FIGNL2: variants seen among roughly 807,000 people sequenced by gnomAD.
The protein encoded by FIGNL2 is fidgetin-like protein 2.
For missense variants in FIGNL2, 1,060 were observed against 950.2 expected, an observed-to-expected ratio of 1.12 and a Z score of -1.52; for synonymous variants, 565 against 484.0, an observed-to-expected ratio of 1.17 and a Z score of -2.20.
chr12:51,826,984 G>A (rs1336334134), intron 1 of FIGNL2, among the ~76,000 whole-genome samples: 1 of 152,254 alleles, frequency 6.6e-6, no homozygotes, highest in Non-Finnish European at 1.5e-5. Flanking sequence ...CATGTTTAAA[G>A]TGTGATCTCA....
chr12:51,847,821 G>A (rs1939785008), intron 1 of FIGNL2: 1 of 985,304 alleles, frequency 1.0e-6, no homozygotes, highest in Non-Finnish European at 1.2e-6. Context: ...CTCTTGCGGT[G>A]GGGAAGTTTG....
chr12:51,822,163 C>G lies in FIGNL2; in HGVS notation c.251G>C (p.Ser84Thr), dbSNP rs1437253568. ...GGCGCCGTTGAGGAAGGAGGCGTCG[C>G]TGTACCCGCCCAGGGCCGGACGCTC... Reference protein sequence around the residue: ...PYERPALGGYSDASFLNGAKG... With the variant: ...PYERPALGGYTDASFLNGAKG... The change falls in exon 2 of 2, where the codon AGC (serine) becomes ACC (threonine). Residue 84 changes from serine (S) to threonine (T), a missense_variant. Physicochemically the swap from Ser to Thr is moderately conservative, Grantham distance 58. Transcript: ENST00000618634. 6.2e-7 allele frequency: 1 copy of G among 1,611,652 alleles called. No individual in the cohort carries two copies. Among genetic ancestry groups the G allele is most frequent in the Non-Finnish European group, 8.5e-7 (1 of 1,179,058 alleles).
At position 51,821,016 on chromosome 12, in the gene FIGNL2, GGCGCCGGGCGCAGCCAGGGTC is replaced by G; in HGVS notation, c.1377_1397del (p.Thr460_Ala466del). 8.5e-7 allele frequency: 1 copy of G among 1,173,372 alleles called. No individual in the cohort carries two copies. The highest frequency in any genetic ancestry group is 3.9e-5 in the East Asian group (1 of 25,512). 72.7% of individuals were successfully genotyped at this position (1,173,372 alleles called of 1,614,324 possible). On this transcript the variant is annotated inframe_deletion, in exon 2 of 2. Coordinates refer to ENST00000618634, the MANE Select transcript of FIGNL2 (RefSeq NM_001384995.1). The stretch of plus-strand genomic sequence containing the variant: ...CCTGGAGGAGGCGCGCGCCCTCGGC[GGCGCCGGGCGCAGCCAGGGTC>G]GCGCCGCGCAGGCGCAACAGCGTGG...
At position 51,821,049 on chromosome 12, in the gene FIGNL2, G is replaced by A; in HGVS notation, c.1365C>T (p.Arg455=). The change falls in exon 2 of 2, where the codon CGC becomes CGT. Residue 455 remains arginine (R), a synonymous_variant. Coordinates refer to ENST00000618634, the MANE Select transcript of FIGNL2 (RefSeq NM_001384995.1). ...LATQLGATLL[R]LRGATLAAPG... ...GCGCAGCCAGGGTCGCGCCGCGCAG[G>A]CGCAACAGCGTGGCGCCCAGCTGCG... 1 of 1,213,268 alleles carries A rather than the reference G, an allele frequency of 8.2e-7. No homozygotes were observed. The highest frequency in any genetic ancestry group is 1.0e-6 in the Non-Finnish European group (1 of 977,742). The allele number at this position is 1,213,268 out of a possible 1,614,324, so 75.2% of individuals were successfully genotyped here.
intron 1 of FIGNL2, among the ~76,000 whole-genome samples, chr12:51,832,237 G>T (rs990426141): frequency 6.6e-6 from 1 of 151,942 alleles, no homozygotes; most frequent in Non-Finnish European, 1.5e-5. Flanking sequence ...GGCTGGTCTT[G>T]AACTCCTGAC....
At chr12:51,841,109 G>A (rs1196022623) in intron 1 of FIGNL2, among the ~76,000 whole-genome samples, 2 of 152,314 alleles carry the variant, frequency 1.3e-5, no homozygotes, top group East Asian at 3.9e-4. Context: ...CAGCCCTGGG[G>A]GGGCTGAGCC....
intron 1 of FIGNL2, among the ~76,000 whole-genome samples, chr12:51,840,935 G>T (rs2138999920): frequency 6.6e-6 from 1 of 152,328 alleles, no homozygotes; most frequent in East Asian, 1.9e-4. Flanking sequence ...TAAAGTCTGG[G>T]TGATCCTGTG....
At position 51,820,619 on chromosome 12, in the gene FIGNL2, C is replaced by A. The variant is rs1293519859; in HGVS notation, c.1795G>T (p.Gly599Trp). The change falls in exon 2 of 2, where the codon GGG becomes TGG. Residue 599 changes from glycine (G) to tryptophan (W), a missense_variant. Physicochemically the swap from Gly to Trp is radical, Grantham distance 184 (BLOSUM62 -2). Coordinates refer to ENST00000618634, the MANE Select transcript of FIGNL2 (RefSeq NM_001384995.1). The stretch of plus-strand genomic sequence containing the variant: ...GCCGCCGCCTGCTGGCACAGCTGCC[C>A]CAGCTCGCCCCCAGAGAAGCCCTGC... The part of the protein sequence containing the change: ...GTQGFSGGEL[G>W]QLCQQAAAGA... The A allele has an allele frequency of 2.6e-6, 4 of 1,525,912 alleles. No homozygotes were observed. The highest frequency in any genetic ancestry group is 2.6e-6 in the Non-Finnish European group (3 of 1,143,168). 94.5% of individuals were successfully genotyped at this position (1,525,912 alleles called of 1,614,324 possible).
intron 1 of FIGNL2, among the ~76,000 whole-genome samples, chr12:51,832,771 A>G (rs182678844): frequency 1.3e-5 from 2 of 152,112 alleles, no homozygotes; most frequent in African/African-American, 2.4e-5. Context: ...ACTTTATTCA[A>G]CCTTCTTGCT....
chr12:51,842,881 C>T (rs1399201093), intron 1 of FIGNL2, among the ~76,000 whole-genome samples: 2 of 152,240 alleles, frequency 1.3e-5, no homozygotes, highest in Non-Finnish European at 2.9e-5. Context: ...CTTCGCTGGT[C>T]CCCAACATCT....
At position 51,819,265 on chromosome 12, in the gene FIGNL2, T is replaced by G. The variant is rs546771404; in HGVS notation, c.*1187A>C. On this transcript the variant is annotated 3_prime_UTR_variant, in exon 2 of 2. Transcript: ENST00000618634. ...GAATTGGGCAAGGGCATCCTAACTC[T>G]GGATAGCCCTTCACAGAAAACACTC... 74 of 148,818 alleles carry G rather than the reference T, an allele frequency of 5.0e-4. No individual in the cohort carries two copies. Among genetic ancestry groups the G allele is most frequent in the African/African-American group, 1.8e-3 (72 of 40,922 alleles). 9.2% of individuals were successfully genotyped at this position (148,818 alleles called of 1,614,324 possible). A position where few individuals can be genotyped will look rare whatever the true frequency, so the allele number is the denominator to read the frequency against.
At chr12:51,830,024 C>T (rs1166232826) in intron 1 of FIGNL2, among the ~76,000 whole-genome samples, 3 of 152,254 alleles carry the variant, frequency 2.0e-5, no homozygotes, top group Non-Finnish European at 4.4e-5. Context: ...TGTGGTGGCT[C>T]ATGCCTGTAA....
At chr12:51,825,553 A>T (rs10747623) in intron 1 of FIGNL2, among the ~76,000 whole-genome samples, 130,245 of 151,798 alleles carry the variant, frequency 0.86, 56,080 homozygotes, top group East Asian at 0.98. Context: ...ATACCCACGA[A>T]GTCTCCTCTA....
At chr12:51,838,636 C>T (rs1177828223) in intron 1 of FIGNL2, among the ~76,000 whole-genome samples, 2 of 152,138 alleles carry the variant, frequency 1.3e-5, no homozygotes, top group Non-Finnish European at 2.9e-5. Context: ...GGCAGCATCC[C>T]CCTCACAGGC....
At position 51,834,141 on chromosome 12, in the gene FIGNL2, A is replaced by ATGGATGGG. The variant is rs1231510972; in HGVS notation, c.-11-11718_-11-11717insCCCATCCA. Among the ~76,000 whole-genome samples, 89 of 151,926 alleles carry ATGGATGGG rather than the reference A, an allele frequency of 5.9e-4. 1 individual carries two copies. The highest frequency in any genetic ancestry group is 2.0e-3 in the African/African-American group (83 of 41,258). The stretch of plus-strand genomic sequence containing the variant: ...GATGGATGGATGGATGGATGGATGG[A>ATGGATGGG]TGATCCTAGAGGCTTGAAATGGCCT... On this transcript the variant is annotated intron_variant, in intron 1 of 1. Transcript: ENST00000618634.
At position 51,820,551 on chromosome 12, in the gene FIGNL2, C is replaced by T. The variant is rs1939151390; in HGVS notation, c.1863G>A (p.Lys621=). 1.9e-6 allele frequency: 3 copies of T among 1,541,150 alleles called. No individual in the cohort carries two copies. Among genetic ancestry groups the T allele is most frequent in the Non-Finnish European group, 2.6e-6 (3 of 1,150,584 alleles). The change falls in exon 2 of 2, where the codon AAG becomes AAA. Residue 621 remains lysine (K), a synonymous_variant. Coordinates refer to ENST00000618634, the MANE Select transcript of FIGNL2 (RefSeq NM_001384995.1). ...LPGLQRPLSY[K]DLEAALAKVG... is the part of the protein sequence containing the mutation. ...CCTTGGCCAGCGCCGCCTCCAGGTC[C>T]TTGTAGGAGAGGGGGCGCTGCAGCC...
intron 1 of FIGNL2, chr12:51,844,663 A>T: frequency 1.0e-6 from 1 of 982,514 alleles, no homozygotes; most frequent in Non-Finnish European, 1.2e-6. Context: ...GTTAACTATG[A>T]TTCATCAAGA....
In FIGNL2 at chr12:51,821,881, G is replaced by T; in HGVS notation, c.533C>A (p.Ala178Glu). 1.5e-6 allele frequency: 2 copies of T among 1,347,718 alleles called. No individual in the cohort carries two copies. The highest frequency in any genetic ancestry group is 1.9e-6 in the Non-Finnish European group (2 of 1,053,234). The allele number at this position is 1,347,718 out of a possible 1,614,324, so 83.5% of individuals were successfully genotyped here. A position where few individuals can be genotyped will look rare whatever the true frequency, so the allele number is the denominator to read the frequency against. Residue 178 changes from alanine to glutamate, a missense_variant, in exon 2 of 2, where the codon GCG (alanine) becomes GAG (glutamate). Ala to Glu is a moderately radical substitution (Grantham distance 107). Coordinates refer to ENST00000618634, the MANE Select transcript of FIGNL2 (RefSeq NM_001384995.1). ...APGYCAQTGAALPPPPPAALL... is the reference protein window; with the variant it reads ...APGYCAQTGAELPPPPPAALL... ...CGCGGCCGGGGGCGGCGGGGGCAGC[G>T]CGGCGCCCGTCTGCGCGCAGTAACC...
chr12:51,838,004 T>G (rs1373431165), intron 1 of FIGNL2: 1 of 152,248 alleles, frequency 6.6e-6, no homozygotes, highest in Non-Finnish European at 1.5e-5. Flanking sequence ...TCCAGGAGGA[T>G]TAGCAAGGCT....
Sources: allele counts gnomAD v4.1 joint callset (sites outside exome capture counted in the v4.1 genomes callset), GRCh38; gene constraint gnomAD v4.1.1; transcripts MANE v1.5; gene names NCBI Gene and HGNC (gene_info 2026-07-23, HGNC 2026-07-21).